CACNA2D4: variants seen among roughly 807,000 people sequenced by gnomAD.
The protein encoded by CACNA2D4 is calcium voltage-gated channel auxiliary subunit alpha2delta 4.
CACNA2D4 carries 157 observed loss-of-function variants against 163.8 expected under a neutral mutation model. The observed-to-expected ratio is 0.96, with a 90% CI of 0.84 to 1.09. CACNA2D4 has a LOEUF of 1.09. Ranked by LOEUF, CACNA2D4 falls within the 50% of genes least tolerant of loss-of-function variation. The probability of loss-of-function intolerance (pLI) is 0.00; values close to 1 mark genes in which losing one functional copy is unlikely to be tolerated. For missense variants in CACNA2D4, 1,410 were observed against 1,479.9 expected, an observed-to-expected ratio of 0.95 and a Z score of 0.78; for synonymous variants, 598 against 586.9, an observed-to-expected ratio of 1.02 and a Z score of -0.27.
At chr12:1,810,369 G>C in intron 28 of CACNA2D4, 29 bp from the exon 29 acceptor site, 1 of 1,606,610 alleles carries the variant, frequency 6.2e-7, no homozygotes, top group Admixed American at 1.7e-5. Flanking sequence ...GGGAGGTTAT[G>C]CCAGGGCCCT....
rs988170116 is a variant in CACNA2D4 at position 1,874,274 on chromosome 12, G to A, written c.1878+330C>T. On this transcript the variant is annotated intron_variant, in intron 18 of 37. Coordinates refer to ENST00000382722, the MANE Select transcript of CACNA2D4 (RefSeq NM_172364.5). The surrounding 1 kb of genome is among the most constrained non-coding windows in gnomAD (Gnocchi z 4.4). ...TACCATTTACAAAATCAGCTGTCAC[G>A]TTTCCCCTTTTCATTATAAACAACA... Among the ~76,000 whole-genome samples, 6 of 152,100 alleles carry A rather than the reference G, an allele frequency of 3.9e-5. No individual in the cohort carries two copies. The highest frequency in any genetic ancestry group is 3.9e-4 in the East Asian group (2 of 5,194).
In CACNA2D4 at chr12:1,828,265, C is replaced by T. The variant is rs752744996; in HGVS notation, c.2551+12474G>A. On this transcript the variant is annotated intron_variant, in intron 26 of 37. Transcript: ENST00000382722. This position sits in a 1 kb window ranked among gnomAD's most constrained non-coding sequence, Gnocchi z 4.2. Reference sequence around the variant, plus strand: ...GGGGGTGCGGGTTGGGTGGGGGTGCCGAGGTGACTGTAGGTAGCGCCATAT... The same window carrying T: ...GGGGGTGCGGGTTGGGTGGGGGTGCTGAGGTGACTGTAGGTAGCGCCATAT... The T allele has an allele frequency of 6.2e-5, 91 of 1,475,132 alleles. No individual in the cohort carries two copies. The highest frequency in any genetic ancestry group is 7.4e-5 in the Non-Finnish European group (81 of 1,095,222). 91.4% of individuals were successfully genotyped at this position (1,475,132 alleles called of 1,614,324 possible). A position where few individuals can be genotyped will look rare whatever the true frequency, so the allele number is the denominator to read the frequency against.
intron 1 of CACNA2D4, chr12:1,915,136 A>T: frequency 1.4e-6 from 1 of 703,950 alleles, no homozygotes; most frequent in South Asian, 1.5e-5. Flanking sequence ...TACCCCCCAC[A>T]CACATGCATA....
In CACNA2D4 at chr12:1,806,630, G is replaced by C. The variant is rs1863548569; in HGVS notation, c.2721+3648C>G. ...TTGCCTAGTCAGGAAAGTGACAGCA[G>C]CCAGCTAAAGTGCATTGAGATCCAC... On this transcript the variant is annotated intron_variant, in intron 29 of 37. Coordinates refer to ENST00000382722, the MANE Select transcript of CACNA2D4 (RefSeq NM_172364.5). This position sits in a 1 kb window ranked among gnomAD's most constrained non-coding sequence, Gnocchi z 4.1. 6.6e-6 allele frequency among the ~76,000 whole-genome samples: 1 copy of C among 151,540 alleles called. No individual in the cohort carries two copies. Among genetic ancestry groups the C allele is most frequent in the Non-Finnish European group, 1.5e-5 (1 of 68,024 alleles).
chr12:1,884,289 T>C lies in CACNA2D4; in HGVS notation c.1305A>G (p.Glu435=). The change falls in exon 12 of 38, where the codon GAA becomes GAG. Residue 435 remains glutamate, a synonymous_variant. Transcript: ENST00000382722. ...VRVFTYLIGR[E]VSFADRMKWI... ...ACTTCATGCGGTCAGCAAAAGACAC[T>C]TCTCTCCCAATGAGGTAAGTGAAAA... 6.2e-7 allele frequency: 1 copy of C among 1,612,676 alleles called. No individual in the cohort carries two copies. The highest frequency in any genetic ancestry group is 2.2e-5 in the East Asian group (1 of 44,878).
intron 6 of CACNA2D4, among the ~76,000 whole-genome samples, chr12:1,888,518 C>T (rs1014695928): frequency 7.9e-5 from 12 of 151,978 alleles, no homozygotes; most frequent in African/African-American, 2.9e-4. Context: ...TGGCCAAATA[C>T]CAAACACAAA....
chr12:1,842,598 G>T (rs938633027), intron 25 of CACNA2D4, among the ~76,000 whole-genome samples: 1 of 152,108 alleles, frequency 6.6e-6, no homozygotes, highest in Non-Finnish European at 1.5e-5. Context: ...TCTCCTCGTG[G>T]CTCAGCTTCT....
intron 26 of CACNA2D4, among the ~76,000 whole-genome samples, chr12:1,840,196 A>G (rs1005139662): frequency 2.0e-5 from 3 of 152,134 alleles, no homozygotes; most frequent in Non-Finnish European, 4.4e-5. Context: ...CAAAGTTTTC[A>G]AGAAGTTACC....
chr12:1,850,261 T>A (rs570304662), intron 23 of CACNA2D4, among the ~76,000 whole-genome samples: 31 of 152,340 alleles, frequency 2.0e-4, no homozygotes, highest in African/African-American at 7.2e-4. Context: ...TGGCTTTCAG[T>A]CTGAGAGGCG....
intron 26 of CACNA2D4, among the ~76,000 whole-genome samples, chr12:1,826,410 C>CCA (rs752593289): frequency 2.5e-5 from 2 of 79,320 alleles, no homozygotes; most frequent in African/African-American, 7.0e-5. Flanking sequence ...GCCCCCCCCC[C>CCA]CCCCCCGCCA....
At chr12:1,840,877 C>T (rs779787129) in intron 25 of CACNA2D4, 58 bp from the exon 26 acceptor site, 30 of 1,441,294 alleles carry the variant, frequency 2.1e-5, no homozygotes, top group African/African-American at 2.8e-5. Flanking sequence ...GCAGGTGGAG[C>T]GCTACCACTT....
In CACNA2D4 at chr12:1,914,838, G is replaced by C. The variant is rs777128735; in HGVS notation, c.309+16C>G. On this transcript the variant is annotated intron_variant, in intron 2 of 37. Coordinates refer to ENST00000382722, the MANE Select transcript of CACNA2D4 (RefSeq NM_172364.5). The stretch of plus-strand genomic sequence containing the variant: ...CCTCTGCCACCCGGTGGGCTCTCTG[G>C]AAGGGGGTGACTGACCTTCTGCAGC... 1.9e-5 allele frequency: 30 copies of C among 1,599,810 alleles called. No homozygotes were observed. The South Asian group carries it at 3.2e-4, about 17-fold the overall frequency.
chr12:1,913,376 G>A (rs1429928116), intron 2 of CACNA2D4, among the ~76,000 whole-genome samples: 5 of 152,182 alleles, frequency 3.3e-5, no homozygotes, highest in Non-Finnish European at 7.3e-5. Context: ...TGCAGTTATA[G>A]CCTTAACAGG....
At chr12:1,811,747 C>A in intron 26 of CACNA2D4, 24 bp from the exon 27 acceptor site, 1 of 1,556,242 alleles carries the variant, frequency 6.4e-7, no homozygotes, top group Non-Finnish European at 8.7e-7. Context: ...AGAGAGAGGG[C>A]AAGGCCAGGG....
chr12:1,793,940 C>T (rs1322701601), intron 37 of CACNA2D4, among the ~76,000 whole-genome samples, 181 bp from the exon 38 acceptor site: 2 of 152,210 alleles, frequency 1.3e-5, no homozygotes, highest in African/African-American at 2.4e-5. Context: ...GCTGGCCCCT[C>T]AGCCTGGGAG....
At chr12:1,881,700 T>C (rs958279630) in intron 13 of CACNA2D4, among the ~76,000 whole-genome samples, 3 of 152,228 alleles carry the variant, frequency 2.0e-5, no homozygotes, top group African/African-American at 7.2e-5. Context: ...TATGAACACT[T>C]GGACAAGGGA....
chr12:1,918,278 C>T lies in CACNA2D4; in HGVS notation c.196G>A (p.Ala66Thr). The T allele has an allele frequency of 6.2e-7, 1 of 1,606,060 alleles. No homozygotes were observed. The highest frequency in any genetic ancestry group is 1.1e-5 in the South Asian group (1 of 90,032). Residue 66 changes from alanine (A) to threonine (T), a missense_variant, in exon 1 of 38, where the codon GCG becomes ACG. Ala to Thr is a moderately conservative substitution (Grantham distance 58). Coordinates refer to ENST00000382722, the MANE Select transcript of CACNA2D4 (RefSeq NM_172364.5). ...AGAGGAATCTTGGCCTGTCCCCACG[C>T]AGGGGACAGGGAGGTGCCTAGAAGC... ...LLLLGTSLSP[A>T]WGQAKIPLET... is the part of the protein sequence containing the mutation.
At chr12:1,913,769 G>A (rs192380291) in intron 2 of CACNA2D4, among the ~76,000 whole-genome samples, 7 of 152,344 alleles carry the variant, frequency 4.6e-5, no homozygotes, top group Admixed American at 4.6e-4. Context: ...ACTGTGTATT[G>A]TGAATGTCTA....
intron 4 of CACNA2D4, among the ~76,000 whole-genome samples, chr12:1,908,437 G>A (rs1866722115): frequency 6.6e-6 from 1 of 152,172 alleles, no homozygotes; most frequent in Non-Finnish European, 1.5e-5. Context: ...CCGAGCCTGC[G>A]CAATCTTGGG....
Sources: allele counts gnomAD v4.1 joint callset (sites outside exome capture counted in the v4.1 genomes callset), GRCh38; gene constraint gnomAD v4.1.1; non-coding constraint Gnocchi (gnomAD v3.1); transcripts MANE v1.5; gene names NCBI Gene and HGNC (gene_info 2026-07-23, HGNC 2026-07-21).